PLCB1: variants seen among roughly 807,000 people sequenced by gnomAD.
PLCB1 encodes phospholipase C beta 1, also known as 1-phosphatidylinositol 4,5-bisphosphate phosphodiesterase beta-1.
Under a neutral mutation model 161.8 loss-of-function variants are expected in PLCB1, and 46 were observed. The ratio of observed to expected loss-of-function variants is 0.28; its 90% CI spans 0.22 to 0.36. The LOEUF is 0.36. PLCB1 is among the 10% of genes least tolerant of loss of function. The pLI is 1.00. For missense variants in PLCB1, 1,016 were observed against 1,472.5 expected, an observed-to-expected ratio of 0.69 and a Z score of 5.07; for synonymous variants, 517 against 503.7, an observed-to-expected ratio of 1.03 and a Z score of -0.35.
chr20:8,438,030 A>C (rs577289278), intron 3 of PLCB1, among the ~76,000 whole-genome samples: 1 of 152,152 alleles, frequency 6.6e-6, no homozygotes. Context: ...AGTTTATTTT[A>C]TTATTTGTAG....
chr20:8,720,093 A>G (rs1403089639), intron 14 of PLCB1, among the ~76,000 whole-genome samples: 2 of 152,184 alleles, frequency 1.3e-5, no homozygotes, highest in African/African-American at 2.4e-5. Flanking sequence ...GAAGTTTGGA[A>G]GTGAGTATCA....
chr20:8,212,550 G>GTGAT (rs1342963234), intron 2 of PLCB1, among the ~76,000 whole-genome samples: 1 of 152,072 alleles, frequency 6.6e-6, no homozygotes, highest in Non-Finnish European at 1.5e-5. Context: ...TTTAGTCATA[G>GTGAT]TGATTCTTCT....
At chr20:8,795,895 G>GAA in intron 31 of PLCB1, among the ~76,000 whole-genome samples, 1 of 145,240 alleles carries the variant, frequency 6.9e-6, no homozygotes, top group Non-Finnish European at 1.5e-5. Context: ...AAAAAAAAAA[G>GAA]AAAAGAAAAC....
chr20:8,806,643 CCTT>C (rs1460266513), intron 31 of PLCB1, among the ~76,000 whole-genome samples: 3 of 152,134 alleles, frequency 2.0e-5, no homozygotes, highest in Non-Finnish European at 2.9e-5. Flanking sequence ...GTTAACTAAC[CCTT>C]CTTCTGTACT....
At chr20:8,426,570 C>T (rs968885057) in intron 3 of PLCB1, among the ~76,000 whole-genome samples, 1 of 152,152 alleles carries the variant, frequency 6.6e-6, no homozygotes, top group Non-Finnish European at 1.5e-5. Flanking sequence ...GGTCAAAGGG[C>T]ACAGAGCAGC....
chr20:8,195,320 G>T (rs1420521086), intron 2 of PLCB1, among the ~76,000 whole-genome samples: 1 of 151,968 alleles, frequency 6.6e-6, no homozygotes, highest in African/African-American at 2.4e-5. Flanking sequence ...CCCAATGAGA[G>T]GGTATTTGGA....
chr20:8,376,485 TGACAGAA>T (rs1987084827), intron 3 of PLCB1, among the ~76,000 whole-genome samples: 1 of 152,220 alleles, frequency 6.6e-6, no homozygotes, highest in African/African-American at 2.4e-5. Context: ...TGATATTCAA[TGACAGAA>T]GTCATTGAGT....
intron 31 of PLCB1, among the ~76,000 whole-genome samples, chr20:8,795,186 C>T (rs1983956184): frequency 6.6e-6 from 1 of 152,150 alleles, no homozygotes; most frequent in Non-Finnish European, 1.5e-5. Flanking sequence ...CACTTTGTGA[C>T]ATGCACTAGG....
chr20:8,296,084 A>T (rs1438584730), intron 2 of PLCB1, among the ~76,000 whole-genome samples: 2 of 152,168 alleles, frequency 1.3e-5, no homozygotes, highest in Non-Finnish European at 2.9e-5. Flanking sequence ...CTATATTAAG[A>T]TAGTCACTGC....
intron 3 of PLCB1, among the ~76,000 whole-genome samples, chr20:8,463,032 C>A (rs139773598): frequency 4.0e-5 from 6 of 151,886 alleles, no homozygotes; most frequent in Non-Finnish European, 7.4e-5. Context: ...ATTTCTTATA[C>A]GCTCTAAGAG....
intron 31 of PLCB1, among the ~76,000 whole-genome samples, chr20:8,843,105 A>G (rs1357101758): frequency 6.6e-6 from 1 of 152,216 alleles, no homozygotes; most frequent in Non-Finnish European, 1.5e-5. Context: ...TTGTACCAAA[A>G]TATGTATTTG....
At chr20:8,437,978 G>C (rs1980383899) in intron 3 of PLCB1, among the ~76,000 whole-genome samples, 1 of 151,896 alleles carries the variant, frequency 6.6e-6, no homozygotes, top group Non-Finnish European at 1.5e-5. Flanking sequence ...ATCACTCCCT[G>C]AAACATAAAA....
intron 3 of PLCB1, among the ~76,000 whole-genome samples, chr20:8,474,228 A>G (rs56081023): frequency 0.25 from 37,960 of 152,126 alleles, 5,043 homozygotes; most frequent in Non-Finnish European, 0.3. Flanking sequence ...CTCTTTTTAT[A>G]CATAATAAGC....
At chr20:8,662,428 A>G (rs1333250442) in intron 9 of PLCB1, among the ~76,000 whole-genome samples, 13 of 121,332 alleles carry the variant, frequency 1.1e-4, no homozygotes, top group African/African-American at 3.4e-4. Context: ...ATAATTATTT[A>G]TTATATAATT....
At chr20:8,143,827 T>C (rs947323938) in intron 1 of PLCB1, among the ~76,000 whole-genome samples, 1 of 152,204 alleles carries the variant, frequency 6.6e-6, no homozygotes, top group Non-Finnish European at 1.5e-5. Context: ...ATTTTAGACG[T>C]ATAAAGTCAA....
intron 2 of PLCB1, among the ~76,000 whole-genome samples, chr20:8,184,264 T>A (rs1414180564): frequency 1.2e-4 from 19 of 152,116 alleles, no homozygotes; most frequent in Admixed American, 1.2e-3. Context: ...TTACTTGAAA[T>A]TAAGCATAAA....
intron 2 of PLCB1, among the ~76,000 whole-genome samples, chr20:8,162,601 G>A (rs1012651294): frequency 2.0e-5 from 3 of 152,144 alleles, no homozygotes; most frequent in African/African-American, 7.2e-5. Context: ...TTTTTATTCT[G>A]CTTCTATAGG....
At chr20:8,251,544 A>T (rs1981145914) in intron 2 of PLCB1, among the ~76,000 whole-genome samples, 1 of 151,904 alleles carries the variant, frequency 6.6e-6, no homozygotes, top group Admixed American at 6.6e-5. Flanking sequence ...TTGGAGAATG[A>T]AGTATAAGGC....
chr20:8,369,476 T>G (rs1600349321), intron 2 of PLCB1, among the ~76,000 whole-genome samples: 1 of 152,348 alleles, frequency 6.6e-6, no homozygotes, highest in East Asian at 1.9e-4. Context: ...TACTCATGTC[T>G]GGTTTTTCCA....
Sources: allele counts gnomAD v4.1 joint callset (sites outside exome capture counted in the v4.1 genomes callset), GRCh38; gene constraint gnomAD v4.1.1; transcripts MANE v1.5; gene names NCBI Gene and HGNC (gene_info 2026-07-23, HGNC 2026-07-21).